RFX4: variants seen among roughly 807,000 people sequenced by gnomAD.
RFX4 encodes the protein regulatory factor X4.
Under a neutral mutation model 95.0 loss-of-function variants are expected in RFX4, and 10 were observed. That is an observed-to-expected ratio of 0.11 (90% CI 0.06 to 0.18). The LOEUF is 0.18. Among genes scored for constraint, RFX4 ranks in the 10% least tolerant of loss-of-function variants. RFX4 has a pLI of 1.00. For missense variants in RFX4, 640 were observed against 922.0 expected (o/e 0.69, Z 3.96); for synonymous variants, 321 against 340.7 (o/e 0.94, Z 0.64).
chr12:106,584,833 G>C, intron 1 of RFX4, among the ~76,000 whole-genome samples: 1 of 152,182 alleles, frequency 6.6e-6, no homozygotes, highest in East Asian at 1.9e-4. Context: ...CCCTGGCTGG[G>C]TGTGAGCCCC....
chr12:106,736,793 C>T (rs2042716664), intron 15 of RFX4, among the ~76,000 whole-genome samples: 1 of 152,104 alleles, frequency 6.6e-6, no homozygotes, highest in South Asian at 2.1e-4. Flanking sequence ...TCAGGCCACC[C>T]CCACCTCTCA....
intron 13 of RFX4, among the ~76,000 whole-genome samples, chr12:106,727,795 A>T (rs1210170862): frequency 6.6e-6 from 1 of 152,020 alleles, no homozygotes; most frequent in Non-Finnish European, 1.5e-5. Context: ...AATTTTTTGT[A>T]TCTTTAGTAG....
At chr12:106,647,529 A>G (rs2040771291) in intron 3 of RFX4, among the ~76,000 whole-genome samples, 2 of 152,010 alleles carry the variant, frequency 1.3e-5, no homozygotes, top group South Asian at 4.1e-4. Context: ...AAAATACCAG[A>G]ATCCCTTGAC....
intron 2 of RFX4, among the ~76,000 whole-genome samples, chr12:106,633,963 T>C (rs2040464530): frequency 6.6e-6 from 1 of 152,148 alleles, no homozygotes; most frequent in African/African-American, 2.4e-5. Context: ...ACAGGTCCTC[T>C]TCAAAATGAA....
chr12:106,583,523 T>G, intron 1 of RFX4, 160 bp downstream of exon 1: 1 of 571,556 alleles, frequency 1.7e-6, no homozygotes, highest in East Asian at 3.3e-5. Flanking sequence ...TTCGAGGCGA[T>G]GTGTGTAACT....
At position 106,720,477 on chromosome 12, in the gene RFX4, G is replaced by A. The variant is rs1259326702; in HGVS notation, c.1234-282G>A. 2.0e-5 allele frequency among the ~76,000 whole-genome samples: 3 copies of A among 152,066 alleles called. No individual in the cohort carries two copies. Among genetic ancestry groups the A allele is most frequent in the African/African-American group, 7.2e-5 (3 of 41,402 alleles). On this transcript the variant is annotated intron_variant, in intron 12 of 17. Coordinates refer to ENST00000392842, the MANE Select transcript of RFX4 (RefSeq NM_213594.3). The surrounding 1 kb of genome is among the most constrained non-coding windows in gnomAD (Gnocchi z 4.2). The stretch of plus-strand genomic sequence containing the variant: ...GCTCACTGCAGCCTTGACCTCCCCA[G>A]GCTCATGTGATCCTCCCACCTCAGC...
At chr12:106,587,354 C>T (rs2039474616) in intron 1 of RFX4, among the ~76,000 whole-genome samples, 1 of 152,144 alleles carries the variant, frequency 6.6e-6, no homozygotes, top group Non-Finnish European at 1.5e-5. Context: ...ACAGACCTGG[C>T]GCAAAGCAAA....
intron 17 of RFX4, among the ~76,000 whole-genome samples, chr12:106,753,063 G>A (rs997506255): frequency 6.6e-6 from 1 of 152,118 alleles, no homozygotes; most frequent in African/African-American, 2.4e-5. Flanking sequence ...ACTGCTGCTA[G>A]AGGAGGCTTT....
chr12:106,746,733 A>T (rs188634131), intron 15 of RFX4, among the ~76,000 whole-genome samples: 285 of 152,334 alleles, frequency 1.9e-3, no homozygotes, highest in Non-Finnish European at 3.0e-3. Context: ...GGCAGAGCCC[A>T]GTAATCTACT....
intron 2 of RFX4, among the ~76,000 whole-genome samples, chr12:106,620,155 C>A (rs2040153911): frequency 6.6e-6 from 1 of 152,096 alleles, no homozygotes; most frequent in Non-Finnish European, 1.5e-5. Flanking sequence ...TGAGGTTTTT[C>A]AATAATACCT....
At position 106,672,292 on chromosome 12, in the gene RFX4, G is replaced by A. The variant is rs116488089; in HGVS notation, c.316-9701G>A. Among the ~76,000 whole-genome samples the A allele has an allele frequency of 8.3e-3, 1,268 of 152,240 alleles. 25 individuals carry two copies. The highest frequency in any genetic ancestry group is 0.029 in the African/African-American group (1,211 of 41,526). ...CACCACCTAAAGAAGAATTCCAACA[G>A]CTCCAGAGAGAGTAGTTCTCCAGAG... On this transcript the variant is annotated intron_variant, in intron 4 of 17. Transcript: ENST00000392842.
chr12:106,620,907 T>C (rs1392760760), intron 2 of RFX4, among the ~76,000 whole-genome samples: 1 of 152,124 alleles, frequency 6.6e-6, no homozygotes, highest in Non-Finnish European at 1.5e-5. Context: ...GAATTTAGTA[T>C]ATCTTCCCTA....
chr12:106,666,246 A>G (rs1180986801), intron 4 of RFX4, among the ~76,000 whole-genome samples: 1 of 151,942 alleles, frequency 6.6e-6, no homozygotes. Context: ...AAGTCAGAAG[A>G]TAGTCTTGTC....
intron 1 of RFX4, among the ~76,000 whole-genome samples, chr12:106,604,635 A>C (rs1022202832): frequency 2.0e-5 from 3 of 152,216 alleles, no homozygotes; most frequent in African/African-American, 4.8e-5. Flanking sequence ...TGTGTCACTA[A>C]TGTAACAGTT....
intron 2 of RFX4, among the ~76,000 whole-genome samples, chr12:106,636,092 C>A (rs1033886349): frequency 6.6e-6 from 1 of 152,114 alleles, no homozygotes; most frequent in Non-Finnish European, 1.5e-5. Context: ...AGATACCACC[C>A]CTGCCTTCTC....
At chr12:106,662,117 T>C (rs1175914009) in intron 4 of RFX4, 3 of 329,990 alleles carry the variant, frequency 9.1e-6, no homozygotes, top group Non-Finnish European at 1.8e-5. Flanking sequence ...AAGAGTTTAT[T>C]TAGTTTTGTA....
intron 13 of RFX4, among the ~76,000 whole-genome samples, chr12:106,723,401 A>G (rs2042431890): frequency 6.6e-6 from 1 of 152,226 alleles, no homozygotes; most frequent in African/African-American, 2.4e-5. Flanking sequence ...AGTTGGTGCC[A>G]GCGCCTTTAC....
intron 4 of RFX4, among the ~76,000 whole-genome samples, chr12:106,678,092 GCC>G (rs2041432196): frequency 6.6e-6 from 1 of 152,178 alleles, no homozygotes; most frequent in African/African-American, 2.4e-5. Context: ...GAATTCCCAG[GCC>G]CCATGCTATG....
At chr12:106,610,327 G>A (rs1046706394) in intron 2 of RFX4, among the ~76,000 whole-genome samples, 2 of 151,144 alleles carry the variant, frequency 1.3e-5, no homozygotes. Flanking sequence ...ATAAAATTTA[G>A]TATTTAATCA....
Sources: gnomAD v4.1 joint callset for allele counts (sites outside exome capture counted in the v4.1 genomes callset) on GRCh38, gnomAD v4.1.1 for gene constraint, Gnocchi (gnomAD v3.1) non-coding constraint, MANE v1.5 for transcripts, NCBI Gene and HGNC (gene_info 2026-07-23, HGNC 2026-07-21) for gene names.